Variants in RBMS3 observed in about 807,000 individuals in gnomAD.
RBMS3 encodes RNA-binding motif, single-stranded-interacting protein 3.
A neutral mutation model predicts 66.8 loss-of-function variants in RBMS3; 27 were observed. That is an observed-to-expected ratio of 0.40 (90% CI 0.30 to 0.56). The LOEUF (loss-of-function observed/expected upper bound fraction) is 0.56, where lower values mean the gene tolerates loss of function less well. Among genes scored for constraint, RBMS3 ranks in the 20% least tolerant of loss-of-function variants. The pLI, the probability that RBMS3 is intolerant of heterozygous loss-of-function variation, is 0.40. For synonymous variants in RBMS3, 188 were observed against 183.0 expected, an observed-to-expected ratio of 1.03 and a Z score of -0.22; for missense variants, 513 against 549.5, an observed-to-expected ratio of 0.93 and a Z score of 0.66.
At chr3:29,643,242 CA>C (rs1357041263) in intron 4 of RBMS3, among the ~76,000 whole-genome samples, 1 of 151,980 alleles carries the variant, frequency 6.6e-6, no homozygotes, top group Non-Finnish European at 1.5e-5. Flanking sequence ...TCTAATTATC[CA>C]GTAATCTAGT....
Position 29,639,770 on chromosome 3 carries a change from T to C in RBMS3, c.399+52565T>C, listed in dbSNP as rs145699621. On this transcript the variant is annotated intron_variant, in intron 4 of 14. Transcript: ENST00000383767. ...AGAAGGATGAGTGTGAGACAAAGCA[T>C]AACCGAAGAGCAACAGCAATTTTTA... Among the ~76,000 whole-genome samples, 700 of 151,868 alleles carry C rather than the reference T, an allele frequency of 4.6e-3. 2 individuals carry two copies. The highest frequency in any genetic ancestry group is 7.2e-3 in the Non-Finnish European group (490 of 67,810).
chr3:29,548,094 A>G (rs557355890), intron 3 of RBMS3, among the ~76,000 whole-genome samples: 1 of 152,186 alleles, frequency 6.6e-6, no homozygotes, highest in East Asian at 1.9e-4. Flanking sequence ...CACAGCACTA[A>G]GACAGATTGA....
intron 1 of RBMS3, among the ~76,000 whole-genome samples, chr3:29,288,746 G>A (rs746482486): frequency 8.4e-4 from 128 of 151,846 alleles, no homozygotes; most frequent in Non-Finnish European, 8.5e-4. Flanking sequence ...ATATTATTTC[G>A]ACTGAATCCA....
intron 5 of RBMS3, among the ~76,000 whole-genome samples, chr3:29,745,555 G>A (rs1201463812): frequency 2.6e-5 from 4 of 152,070 alleles, no homozygotes; most frequent in African/African-American, 9.7e-5. Flanking sequence ...GTTATGAGAG[G>A]CCAGTAAAGA....
chr3:29,759,721 C>A (rs533398825), intron 5 of RBMS3, among the ~76,000 whole-genome samples: 12 of 149,834 alleles, frequency 8.0e-5, no homozygotes, highest in East Asian at 2.0e-4. Context: ...CCTCCCCCCC[C>A]AGAGCTTTCT....
Position 29,774,918 on chromosome 3 carries a change from A to T in RBMS3, c.637+11929A>T, listed in dbSNP as rs1178965060. On this transcript the variant is annotated intron_variant, in intron 6 of 14. Coordinates refer to ENST00000383767, the MANE Select transcript of RBMS3 (RefSeq NM_001003793.3). ...ATTATTTTAAAATAAATAAACATCT[A>T]AATTTTTTTATTTTATGTTTTAATG... Among the ~76,000 whole-genome samples, 5 of 151,882 alleles carry T rather than the reference A, an allele frequency of 3.3e-5. No individual in the cohort carries two copies. In the South Asian group the frequency reaches 1.0e-3, roughly 31 times the overall value.
chr3:29,376,930 T>C (rs2038503772), intron 1 of RBMS3, among the ~76,000 whole-genome samples: 2 of 141,248 alleles, frequency 1.4e-5, no homozygotes, highest in Admixed American at 1.4e-4. Context: ...AACAACAAAA[T>C]ACAAAAAAAT....
chr3:29,986,286 AC>A (rs988661618), intron 12 of RBMS3, among the ~76,000 whole-genome samples: 4 of 152,220 alleles, frequency 2.6e-5, no homozygotes, highest in Non-Finnish European at 5.9e-5. Flanking sequence ...AATTAAAGAA[AC>A]ATTTTCCAGA....
intron 4 of RBMS3, among the ~76,000 whole-genome samples, chr3:29,645,357 C>T (rs560524348): frequency 2.6e-5 from 4 of 152,316 alleles, no homozygotes; most frequent in African/African-American, 7.2e-5. Flanking sequence ...TGTAAAAGTT[C>T]GGCTTTGTGT....
chr3:29,936,899 A>T (rs1180972998), intron 11 of RBMS3, among the ~76,000 whole-genome samples: 1 of 152,080 alleles, frequency 6.6e-6, no homozygotes, highest in Non-Finnish European at 1.5e-5. Flanking sequence ...ATGTTCAAGG[A>T]GGCAAAAGCC....
chr3:29,639,470 G>A (rs1328623817), intron 4 of RBMS3, among the ~76,000 whole-genome samples: 2 of 151,738 alleles, frequency 1.3e-5, no homozygotes, highest in African/African-American at 4.8e-5. Flanking sequence ...CTGTAAGGTT[G>A]AATTTACTTG....
intron 2 of RBMS3, among the ~76,000 whole-genome samples, chr3:29,440,291 C>A (rs1320565761): frequency 6.6e-6 from 1 of 152,102 alleles, no homozygotes; most frequent in Admixed American, 6.6e-5. Flanking sequence ...ATACAATGTT[C>A]TCAGGAAGCC....
chr3:29,929,768 G>A (rs1234800649), intron 10 of RBMS3, among the ~76,000 whole-genome samples: 1 of 152,014 alleles, frequency 6.6e-6, no homozygotes, highest in Non-Finnish European at 1.5e-5. Context: ...AGTGGAAAAT[G>A]TCTTACTTCT....
intron 1 of RBMS3, among the ~76,000 whole-genome samples, chr3:29,297,005 A>T (rs1055260155): frequency 2.0e-5 from 3 of 151,694 alleles, no homozygotes; most frequent in Non-Finnish European, 4.4e-5. Context: ...TAGTGAGAGC[A>T]GAAACATTTT....
intron 4 of RBMS3, among the ~76,000 whole-genome samples, chr3:29,596,228 T>G (rs930237757): frequency 2.0e-5 from 3 of 152,168 alleles, no homozygotes; most frequent in Non-Finnish European, 4.4e-5. Context: ...CTAAAAATGA[T>G]TGGATGAATT....
At chr3:29,384,077 A>G (rs1313122449) in intron 1 of RBMS3, among the ~76,000 whole-genome samples, 1 of 152,178 alleles carries the variant, frequency 6.6e-6, no homozygotes, top group Non-Finnish European at 1.5e-5. Flanking sequence ...GCACTTTGGG[A>G]GGCCAAGCCA....
chr3:29,671,010 G>A (rs1307453281), intron 4 of RBMS3, among the ~76,000 whole-genome samples: 1 of 152,172 alleles, frequency 6.6e-6, no homozygotes, highest in South Asian at 2.1e-4. Context: ...AATAGGGGCC[G>A]ACTGACACCT....
intron 14 of RBMS3, among the ~76,000 whole-genome samples, chr3:30,000,694 G>A (rs1699560257): frequency 1.3e-5 from 2 of 152,118 alleles, no homozygotes; most frequent in Non-Finnish European, 2.9e-5. Flanking sequence ...ATACACCATG[G>A]AATACCATGC....
At position 29,537,377 on chromosome 3, in the gene RBMS3, C is replaced by T. The variant is rs3773063; in HGVS notation, c.307+48878C>T. On this transcript the variant is annotated intron_variant, in intron 3 of 14. Transcript: ENST00000383767. ...ATTTTGGCTTTCACATCTGCTCCCT[C>T]GTGGCAACAGCAATTTGAAGTCAGT... is the stretch of plus-strand genomic sequence containing the variant. 5.3e-5 allele frequency among the ~76,000 whole-genome samples: 8 copies of T among 152,218 alleles called. No homozygotes were observed. The East Asian group carries it at 1.4e-3, about 26-fold the overall frequency.
Sources: gnomAD v4.1 joint callset for allele counts (sites outside exome capture counted in the v4.1 genomes callset) on GRCh38, gnomAD v4.1.1 for gene constraint, MANE v1.5 for transcripts, NCBI Gene and HGNC (gene_info 2026-07-23, HGNC 2026-07-21) for gene names.